Variants in LRRC9 observed in about 807,000 individuals in gnomAD.
LRRC9 encodes the protein leucine-rich repeat-containing protein 9.
LRRC9 carries 122 observed loss-of-function variants against 63.2 expected under a neutral mutation model. The observed-to-expected ratio is 1.93, with a 90% CI of 1.67 to 2.24. The LOEUF (loss-of-function observed/expected upper bound fraction) is 2.24. LRRC9 is among the 30% of genes most tolerant of loss of function. The probability of loss-of-function intolerance (pLI) is 0.00; values close to 1 mark genes in which losing one functional copy is unlikely to be tolerated. For missense variants in LRRC9, 1,071 were observed against 627.7 expected (o/e 1.71, Z -7.55); for synonymous variants, 366 against 213.1 (o/e 1.72, Z -6.25).
rs2139976547 is a variant in LRRC9 at position 59,962,046 on chromosome 14, CTGTTAT to C, written c.1211+1008_1211+1013del. Among the ~76,000 whole-genome samples, 1 of 151,982 alleles carries C rather than the reference CTGTTAT, an allele frequency of 6.6e-6. No individual in the cohort carries two copies. The highest frequency in any genetic ancestry group is 1.5e-5 in the Non-Finnish European group (1 of 67,948). Reference sequence around the variant, plus strand: ...TACACTAACTTTTTAGAAAAAAAAACTGTTATTGTTATGGGTTACTTTAAACCAAGT... The same window carrying C: ...TACACTAACTTTTTAGAAAAAAAAACTGTTATGGGTTACTTTAAACCAAGT... On this transcript the variant is annotated intron_variant, in intron 10 of 31. Transcript: ENST00000445360. This position sits in a 1 kb window ranked among gnomAD's most constrained non-coding sequence, Gnocchi z 5.1.
chr14:60,043,068 A>G (rs1284209238), intron 29 of LRRC9, among the ~76,000 whole-genome samples: 4 of 152,078 alleles, frequency 2.6e-5, no homozygotes, highest in Non-Finnish European at 4.4e-5. Flanking sequence ...TTGTAACAGG[A>G]TTGCCTTCTT....
At chr14:60,054,389 T>A (rs1894119924) in intron 30 of LRRC9, among the ~76,000 whole-genome samples, 1 of 152,090 alleles carries the variant, frequency 6.6e-6, no homozygotes, top group Non-Finnish European at 1.5e-5. Context: ...TAAAGGGCAC[T>A]CTCTCTCTCC....
chr14:60,032,040 G>C (rs1892031110), exon 29 of LRRC9: 1 of 700,520 alleles, frequency 1.4e-6, no homozygotes, highest in Non-Finnish European at 2.6e-6. Flanking sequence ...TACTCTCAGG[G>C]AGCTTACAGT....
intron 6 of LRRC9, among the ~76,000 whole-genome samples, chr14:59,933,912 T>C (rs1342119013): frequency 6.6e-6 from 1 of 152,124 alleles, no homozygotes; most frequent in Non-Finnish European, 1.5e-5. Context: ...AAGTTAACAC[T>C]AGAAAGGTCA....
At chr14:59,979,694 A>G (rs1886713333) in intron 15 of LRRC9, among the ~76,000 whole-genome samples, 1 of 151,894 alleles carries the variant, frequency 6.6e-6, no homozygotes, top group Non-Finnish European at 1.5e-5. Flanking sequence ...GGAAATCATC[A>G]TTCTCAGTAA....
intron 13 of LRRC9, among the ~76,000 whole-genome samples, chr14:59,975,868 G>C (rs1886218463): frequency 6.6e-6 from 1 of 152,192 alleles, no homozygotes; most frequent in Non-Finnish European, 1.5e-5. Flanking sequence ...CCTGCCCACA[G>C]ACTGGTTGCA....
At chr14:59,934,824 TCTTA>T in intron 6 of LRRC9, among the ~76,000 whole-genome samples, 1 of 152,088 alleles carries the variant, frequency 6.6e-6, no homozygotes, top group Non-Finnish European at 1.5e-5. Context: ...TTGAAATAAT[TCTTA>T]CTTTTAAAAG....
chr14:60,029,686 A>C (rs1891836925), intron 28 of LRRC9, among the ~76,000 whole-genome samples: 1 of 152,134 alleles, frequency 6.6e-6, no homozygotes, highest in Non-Finnish European at 1.5e-5. Context: ...GAATGGATAG[A>C]GATCAGCTGG....
Position 59,951,101 on chromosome 14 carries a change from T to C in LRRC9, c.882+6357T>C, listed in dbSNP as rs892826330. Among the ~76,000 whole-genome samples, 11 of 62,654 alleles carry C rather than the reference T, an allele frequency of 1.8e-4. 1 individual carries two copies. Among genetic ancestry groups the C allele is most frequent in the Non-Finnish European group, 2.8e-4 (10 of 35,120 alleles). The allele number at this position is 62,654 out of a possible 152,430, so 41.1% of individuals were successfully genotyped here. A position where few individuals can be genotyped will look rare whatever the true frequency, so the allele number is the denominator to read the frequency against. Reference sequence around the variant, plus strand: ...AATATCCTGCAGAGTGTTTTCCAACTTGGTTCCATTCTCCGCATCACTTTC... The same window carrying C: ...AATATCCTGCAGAGTGTTTTCCAACCTGGTTCCATTCTCCGCATCACTTTC... On this transcript the variant is annotated intron_variant, in intron 8 of 31. Transcript: ENST00000445360.
intron 29 of LRRC9, among the ~76,000 whole-genome samples, chr14:60,050,226 C>A (rs1893778302): frequency 6.6e-6 from 1 of 152,120 alleles, no homozygotes; most frequent in Admixed American, 6.5e-5. Context: ...AAACTCCTGA[C>A]CTCCGGTGAT....
chr14:60,020,303 C>T (rs1277244160), intron 26 of LRRC9, among the ~76,000 whole-genome samples: 1 of 151,710 alleles, frequency 6.6e-6, no homozygotes, highest in Non-Finnish European at 1.5e-5. Context: ...CATTTTATTG[C>T]CGAATAGTAT....
At chr14:59,991,550 G>A (rs1024829366) in intron 17 of LRRC9, among the ~76,000 whole-genome samples, 22 of 152,108 alleles carry the variant, frequency 1.4e-4, no homozygotes, top group African/African-American at 5.1e-4. Flanking sequence ...AAGGGGTCAG[G>A]GAATTCCCTT....
In LRRC9 at chr14:59,932,750, C is replaced by T. The variant is rs983668019; in HGVS notation, c.543+711C>T. On this transcript the variant is annotated intron_variant, in intron 6 of 31. Transcript: ENST00000445360. This position sits in a 1 kb window ranked among gnomAD's most constrained non-coding sequence, Gnocchi z 4.7. ...TGATTCAAGACACTATCATCTCTAA[C>T]CTGCATTAATGAAAAATATCTTCCT... 3.3e-5 allele frequency among the ~76,000 whole-genome samples: 5 copies of T among 152,080 alleles called. No individual in the cohort carries two copies. Among genetic ancestry groups the T allele is most frequent in the African/African-American group, 1.2e-4 (5 of 41,416 alleles).
At chr14:59,952,991 T>C (rs1883339505) in intron 8 of LRRC9, among the ~76,000 whole-genome samples, 1 of 152,240 alleles carries the variant, frequency 6.6e-6, no homozygotes, top group Admixed American at 6.5e-5. Context: ...CATGAGCTCA[T>C]TCTCTTTAAT....
chr14:60,065,357 ACAC>A (rs1240603430), downstream of LRRC9, among the ~76,000 whole-genome samples: 3 of 151,850 alleles, frequency 2.0e-5, no homozygotes, highest in Non-Finnish European at 4.4e-5. Context: ...AGCTGGAATT[ACAC>A]CACCACGCCA....
intron 16 of LRRC9, among the ~76,000 whole-genome samples, chr14:59,983,457 A>G (rs2140109396): frequency 1.3e-5 from 2 of 152,334 alleles, no homozygotes; most frequent in South Asian, 2.1e-4. Flanking sequence ...AGTGGAGCAA[A>G]TATATATGTG....
rs1183757695 is a variant in LRRC9 at position 60,003,816 on chromosome 14, T to C, written c.2842+18T>C. On this transcript the variant is annotated intron_variant, in intron 21 of 31. Coordinates refer to ENST00000445360, the Ensembl canonical transcript of LRRC9. This position sits in a 1 kb window ranked among gnomAD's most constrained non-coding sequence, Gnocchi z 4.2. Reference sequence around the variant, plus strand: ...GATAGAAGGTAAGGTACTTAAGAACTTTGAAGTCTCAAAATATGGGATGTC... The same window carrying C: ...GATAGAAGGTAAGGTACTTAAGAACCTTGAAGTCTCAAAATATGGGATGTC... The C allele has an allele frequency of 5.4e-6, 3 of 553,434 alleles. No homozygotes were observed. The highest frequency in any genetic ancestry group is 3.6e-5 in the Admixed American group (1 of 27,954). The allele number at this position is 553,434 out of a possible 1,614,324, so 34.3% of individuals were successfully genotyped here.
At position 59,975,102 on chromosome 14, in the gene LRRC9, CATATAT is replaced by C; in HGVS notation, c.1639+399_1639+404del. 2.1e-4 allele frequency among the ~76,000 whole-genome samples: 2 copies of C among 9,650 alleles called. 1 individual carries two copies. Among genetic ancestry groups the C allele is most frequent in the African/African-American group, 3.2e-4 (2 of 6,270 alleles). The allele number at this position is 9,650 out of a possible 152,430, so 6.3% of individuals were successfully genotyped here. A position where few individuals can be genotyped will look rare whatever the true frequency, so the allele number is the denominator to read the frequency against. ...TGTGTGTGTAGTGTATATATATATA[CATATAT>C]ATATGTATATATATATATGTATATA... On this transcript the variant is annotated intron_variant, in intron 13 of 31. Transcript: ENST00000445360.
chr14:60,020,107 T>C (rs900967678), intron 26 of LRRC9, among the ~76,000 whole-genome samples: 1 of 151,818 alleles, frequency 6.6e-6, no homozygotes, highest in East Asian at 1.9e-4. Flanking sequence ...TCCTTTGTAA[T>C]CTCTCCCCCG....
Sources: gnomAD v4.1 joint callset for allele counts (sites outside exome capture counted in the v4.1 genomes callset) on GRCh38, gnomAD v4.1.1 for gene constraint, Gnocchi (gnomAD v3.1) non-coding constraint, MANE v1.5 for transcripts, NCBI Gene and HGNC (gene_info 2026-07-23, HGNC 2026-07-21) for gene names.